EXOC4: variants seen among roughly 807,000 people sequenced by gnomAD.
The protein encoded by EXOC4 is SEC8-like 1.
Under a neutral mutation model 107.2 loss-of-function variants are expected in EXOC4, and 71 were observed. The ratio of observed to expected loss-of-function variants is 0.66; its 90% CI spans 0.55 to 0.81. The LOEUF is 0.81. Ranked by LOEUF, EXOC4 falls within the 30% of genes least tolerant of loss-of-function variation. EXOC4 has a pLI of 0.00. For synonymous variants in EXOC4, 456 were observed against 441.2 expected (o/e 1.03, Z -0.42); for missense variants, 1,108 against 1,189.6 (o/e 0.93, Z 1.01).
Position 133,704,516 on chromosome 7 carries a change from A to G in EXOC4, c.1514+74375A>G, listed in dbSNP as rs563690698. Among the ~76,000 whole-genome samples, 11 of 152,346 alleles carry G rather than the reference A, an allele frequency of 7.2e-5. No homozygotes were observed. In the East Asian group the frequency reaches 2.1e-3, roughly 29 times the overall value. ...ATTCATAGCCTTCTTGACATTTTCAACAATATCTTTCACCACAGAGCAGAG... is the reference window on the plus strand; with the variant it reads ...ATTCATAGCCTTCTTGACATTTTCAGCAATATCTTTCACCACAGAGCAGAG... On this transcript the variant is annotated intron_variant, in intron 10 of 17. Coordinates refer to ENST00000253861, the MANE Select transcript of EXOC4 (RefSeq NM_021807.4).
the EXOC4 span, among the ~76,000 whole-genome samples, chr7:134,077,052 T>A: frequency 2.6e-5 from 4 of 152,008 alleles, 1 homozygote; most frequent in Admixed American, 2.0e-4. Flanking sequence ...TTATGGAGAC[T>A]GAGAAGTTCC....
intron 14 of EXOC4, among the ~76,000 whole-genome samples, chr7:133,939,815 T>A (rs909080382): frequency 1.3e-5 from 2 of 152,228 alleles, no homozygotes; most frequent in African/African-American, 4.8e-5. Flanking sequence ...AAAGGCCCCT[T>A]TAACTTTATA....
chr7:133,504,380 CCTT>C (rs1274351312), intron 9 of EXOC4, among the ~76,000 whole-genome samples: 1 of 151,960 alleles, frequency 6.6e-6, no homozygotes, highest in Non-Finnish European at 1.5e-5. Flanking sequence ...TGTTTTTTCT[CCTT>C]TAATGTGAAG....
chr7:133,667,046 A>G (rs948811703), intron 10 of EXOC4, among the ~76,000 whole-genome samples: 2 of 152,172 alleles, frequency 1.3e-5, no homozygotes, highest in African/African-American at 4.8e-5. Flanking sequence ...ACTTCCTAGG[A>G]AATAATTTAT....
chr7:133,905,199 A>T (rs1799539937), intron 12 of EXOC4, among the ~76,000 whole-genome samples: 4 of 152,290 alleles, frequency 2.6e-5, no homozygotes, highest in Non-Finnish European at 4.4e-5. Context: ...CTTGTTTTCC[A>T]AGCTTCCCAT....
intron 11 of EXOC4, among the ~76,000 whole-genome samples, chr7:133,888,640 G>T (rs1799138387): frequency 6.6e-6 from 1 of 152,148 alleles, no homozygotes; most frequent in Non-Finnish European, 1.5e-5. Context: ...CTTTCAGATA[G>T]TTTTTTTAAT....
chr7:133,496,593 C>G (rs150753687), intron 9 of EXOC4, among the ~76,000 whole-genome samples: 1 of 152,302 alleles, frequency 6.6e-6, no homozygotes, highest in East Asian at 1.9e-4. Context: ...CATATTTCTT[C>G]GCACCTTCGA....
intron 10 of EXOC4, among the ~76,000 whole-genome samples, chr7:133,729,386 G>T (rs1460100315): frequency 6.6e-6 from 1 of 152,076 alleles, no homozygotes; most frequent in Non-Finnish European, 1.5e-5. Context: ...TTGCTTATTT[G>T]TCTTTAATCA....
intron 7 of EXOC4, among the ~76,000 whole-genome samples, chr7:133,378,204 C>T (rs1057429675): frequency 1.3e-5 from 2 of 150,804 alleles, no homozygotes; most frequent in African/African-American, 2.4e-5. Context: ...CCAGCTACTC[C>T]GGAAGCTGAG....
the EXOC4 span, among the ~76,000 whole-genome samples, chr7:134,089,650 C>A: frequency 7.9e-5 from 12 of 151,366 alleles, no homozygotes; most frequent in Admixed American, 2.0e-4. Context: ...TGCATAAATT[C>A]CCTGCTATGG....
intron 9 of EXOC4, among the ~76,000 whole-genome samples, chr7:133,513,866 G>A (rs1287853046): frequency 3.3e-5 from 5 of 152,120 alleles, no homozygotes; most frequent in Non-Finnish European, 7.4e-5. Flanking sequence ...TGAAATTGCT[G>A]GATATGTGAG....
intron 15 of EXOC4, among the ~76,000 whole-genome samples, chr7:134,001,821 A>G (rs1794537334): frequency 6.6e-6 from 1 of 152,214 alleles, no homozygotes; most frequent in Admixed American, 6.5e-5. Context: ...GAGTGCCTGT[A>G]ATGTGGGATC....
chr7:133,791,399 A>G (rs916843873), intron 10 of EXOC4, among the ~76,000 whole-genome samples: 1 of 152,214 alleles, frequency 6.6e-6, no homozygotes, highest in African/African-American at 2.4e-5. Context: ...GATCTGCCTA[A>G]TTTAGTTCTG....
In EXOC4 at chr7:133,395,916, AT is replaced by A. The variant is rs562900911; in HGVS notation, c.1182+20924del. ...TACGAACATGGCAATATGATGATTG[AT>A]TTTTTTTTTAATTTGTTTTATGTTA... On this transcript the variant is annotated intron_variant, in intron 7 of 17. Transcript: ENST00000253861. 4.6e-3 allele frequency among the ~76,000 whole-genome samples: 683 copies of A among 149,500 alleles called. 3 individuals carry two copies. The highest frequency in any genetic ancestry group is 7.6e-3 in the Non-Finnish European group (510 of 67,116).
intron 5 of EXOC4, among the ~76,000 whole-genome samples, chr7:133,334,180 C>G (rs1795456498): frequency 6.6e-6 from 1 of 152,138 alleles, no homozygotes; most frequent in South Asian, 2.1e-4. Context: ...TTGTAAGCAT[C>G]TGAACTATAA....
intron 9 of EXOC4, among the ~76,000 whole-genome samples, chr7:133,622,573 A>G (rs750530457): frequency 1.1e-4 from 17 of 152,042 alleles, no homozygotes; most frequent in Non-Finnish European, 1.5e-4. Context: ...GGACCACTAA[A>G]TGTGTTTTCC....
At chr7:133,922,664 G>A (rs781221765) in intron 13 of EXOC4, among the ~76,000 whole-genome samples, 3 of 152,114 alleles carry the variant, frequency 2.0e-5, no homozygotes, top group South Asian at 4.2e-4. Context: ...TGCCTAACAC[G>A]GTGAAACCCC....
chr7:133,859,358 T>A (rs187117639), intron 11 of EXOC4, among the ~76,000 whole-genome samples: 1 of 152,154 alleles, frequency 6.6e-6, no homozygotes, highest in Non-Finnish European at 1.5e-5. Context: ...AGACGAATTA[T>A]CTCCTTGCAA....
chr7:133,347,578 G>A (rs1024067268), intron 5 of EXOC4, among the ~76,000 whole-genome samples: 10 of 152,232 alleles, frequency 6.6e-5, no homozygotes, highest in Non-Finnish European at 8.8e-5. Flanking sequence ...GAATTGTAGC[G>A]AATGAAAGGA....
Sources: allele counts gnomAD v4.1 joint callset (sites outside exome capture counted in the v4.1 genomes callset), GRCh38; gene constraint gnomAD v4.1.1; transcripts MANE v1.5; gene names NCBI Gene and HGNC (gene_info 2026-07-23, HGNC 2026-07-21).